The following BRPF3 variants were observed in gnomAD, a reference collection of about 807,000 sequenced individuals.
BRPF3 encodes the protein bromodomain and PHD finger containing 3.
Under a neutral mutation model 102.0 loss-of-function variants are expected in BRPF3, and 18 were observed. The observed-to-expected ratio is 0.18, with a 90% CI of 0.12 to 0.26. The LOEUF is 0.26. Ranked by LOEUF, BRPF3 falls within the 10% of genes least tolerant of loss-of-function variation. BRPF3 has a pLI of 1.00. For missense variants in BRPF3, 1,147 were observed against 1,567.8 expected, an observed-to-expected ratio of 0.73 and a Z score of 4.53; for synonymous variants, 570 against 614.2, an observed-to-expected ratio of 0.93 and a Z score of 1.06.
intron 10 of BRPF3, among the ~76,000 whole-genome samples, chr6:36,223,996 A>G (rs1157334541): frequency 6.6e-6 from 1 of 152,144 alleles, no homozygotes; most frequent in African/African-American, 2.4e-5. Flanking sequence ...ATTGGATTTT[A>G]TCTTTTTATT....
rs778878085 is a variant in BRPF3, at chr6:36,204,638, T to TC, written c.1449-18dup. The TC allele has an allele frequency of 7.4e-6, 12 of 1,614,080 alleles. No homozygotes were observed. The highest frequency in any genetic ancestry group is 2.2e-5 in the East Asian group (1 of 44,894). Reference sequence around the variant, plus strand: ...CTGCCCACTGACCTTGTCTTTCACTTCCGTGTGCCTCTACTCAAGGTTGAA... The same window carrying TC: ...CTGCCCACTGACCTTGTCTTTCACTTCCCGTGTGCCTCTACTCAAGGTTGAA... On this transcript the variant is annotated intron_variant, in intron 2 of 12. Coordinates refer to ENST00000357641, the MANE Select transcript of BRPF3 (RefSeq NM_015695.3).
chr6:36,226,610 C>T (rs999895729), intron 11 of BRPF3, among the ~76,000 whole-genome samples: 1 of 152,162 alleles, frequency 6.6e-6, no homozygotes, highest in Non-Finnish European at 1.5e-5. Context: ...CAGCCTCTTA[C>T]ATGTATACAG....
At position 36,211,488 on chromosome 6, in the gene BRPF3, G is replaced by C. The variant is rs977892223; in HGVS notation, c.2410G>C (p.Ala804Pro). The change falls in exon 7 of 13, where the codon GCA becomes CCA. Residue 804 changes from alanine (A) to proline (P), a missense_variant. Physicochemically the swap from Ala to Pro is conservative, Grantham distance 27 (BLOSUM62 -1). Around this residue, in one of 11 missense-constraint regions of BRPF3, gnomAD observed 379 missense variants for 426.3 expected, o/e 0.89. Coordinates refer to ENST00000357641, the MANE Select transcript of BRPF3 (RefSeq NM_015695.3). ...GACAGTATCCAATGGGGAGCTGCCA[G>C]CAGGGCCCCAGGGGGATGCAGCTGT... ...NKTVSNGELP[A>P]GPQGDAAVLE... 3 of 1,580,960 alleles carry C rather than the reference G, an allele frequency of 1.9e-6. No homozygotes were observed. The Admixed American group carries it at 5.5e-5, about 29-fold the overall frequency.
Position 36,213,903 on chromosome 6 carries a change from C to T in BRPF3, c.2506C>T (p.Pro836Ser). ...AGATGACTCCAAACTGCCTCCTCCG[C>T]CAACCCTGGAGCCCACTGGGCCTGC... is the stretch of plus-strand genomic sequence containing the variant. ...DRDDSKLPPP[P>S]TLEPTGPAPS... is the part of the protein sequence containing the mutation. Residue 836 changes from proline (P) to serine (S), a missense_variant, in exon 8 of 13, where the codon CCA (proline) becomes TCA (serine). Pro to Ser is a moderately conservative substitution (Grantham distance 74). Transcript: ENST00000357641. 6.2e-7 allele frequency: 1 copy of T among 1,605,456 alleles called. No homozygotes were observed. Among genetic ancestry groups the T allele is most frequent in the East Asian group, 2.2e-5 (1 of 44,734 alleles).
chr6:36,228,154 A>C (rs1416037633), intron 11 of BRPF3, among the ~76,000 whole-genome samples: 1 of 152,156 alleles, frequency 6.6e-6, no homozygotes, highest in Non-Finnish European at 1.5e-5. Context: ...GTCAGCTAAC[A>C]CCTGTTAGCA....
chr6:36,199,994 T>C (rs962765520), intron 1 of BRPF3, among the ~76,000 whole-genome samples: 1 of 152,158 alleles, frequency 6.6e-6, no homozygotes, highest in Non-Finnish European at 1.5e-5. Context: ...TTATGTAGCA[T>C]GGTATAAGAT....
intron 1 of BRPF3, among the ~76,000 whole-genome samples, chr6:36,199,888 G>A (rs556102030): frequency 5.3e-5 from 8 of 152,304 alleles, no homozygotes; most frequent in Admixed American, 2.0e-4. Flanking sequence ...CAGGAACTGG[G>A]GATGCAGCAG....
intron 3 of BRPF3, among the ~76,000 whole-genome samples, chr6:36,205,135 G>T (rs1767861820): frequency 6.6e-6 from 1 of 152,236 alleles, no homozygotes; most frequent in African/African-American, 2.4e-5. Context: ...TGGCCACATT[G>T]TGTTAATTAG....
intron 12 of BRPF3, among the ~76,000 whole-genome samples, chr6:36,229,387 C>T (rs887928960): frequency 5.9e-5 from 9 of 152,334 alleles, no homozygotes; most frequent in Admixed American, 5.2e-4. Flanking sequence ...CTGGGTGGCT[C>T]AACAAGATAA....
rs1581996556 is a variant in BRPF3 at position 36,229,012 on chromosome 6, A to G, written c.3390A>G (p.Gly1130=). 1 of 1,614,210 alleles carries G rather than the reference A, an allele frequency of 6.2e-7. No individual in the cohort carries two copies. Among genetic ancestry groups the G allele is most frequent in the Non-Finnish European group, 8.5e-7 (1 of 1,180,038 alleles). Residue 1130 remains glycine (G), a synonymous_variant, in exon 12 of 13, where the codon GGA becomes GGG. Coordinates refer to ENST00000357641, the MANE Select transcript of BRPF3 (RefSeq NM_015695.3). ...KLGEQKQAEA[G]EKLFLVLFFD... is the part of the protein sequence containing the mutation. ...GAGAGCAGAAACAGGCAGAGGCTGGAGAGAAGCTCTTCCTTGTCCTCTTCT... is the reference window on the plus strand; with the variant it reads ...GAGAGCAGAAACAGGCAGAGGCTGGGGAGAAGCTCTTCCTTGTCCTCTTCT...
At chr6:36,213,721 T>A in intron 7 of BRPF3, 159 bp from the exon 8 acceptor site, 1 of 736,918 alleles carries the variant, frequency 1.4e-6, no homozygotes, top group Non-Finnish European at 2.2e-6. Context: ...AAAAAAAACC[T>A]AATCCTCCTT....
intron 8 of BRPF3, among the ~76,000 whole-genome samples, chr6:36,215,385 C>T (rs958819693): frequency 4.6e-5 from 7 of 152,234 alleles, no homozygotes; most frequent in African/African-American, 1.7e-4. Context: ...GATGGGATTA[C>T]AGGCATGAGC....
At chr6:36,223,918 G>A (rs1768640465) in intron 10 of BRPF3, among the ~76,000 whole-genome samples, 1 of 152,162 alleles carries the variant, frequency 6.6e-6, no homozygotes, top group African/African-American at 2.4e-5. Flanking sequence ...CCATAAGGAT[G>A]GGTTTGGTCT....
In BRPF3 at chr6:36,217,966, ATG is replaced by A; in HGVS notation, c.3041_3042del (p.Cys1014Ter). Reference protein sequence around the residue: ...KHTESGSDSECSLGLSGGLAF... With the variant: ...KHTESGSDSEXSLGLSGGLAF... ...ACACCGAAAGCGGGTCTGACTCTGA[ATG>A]TAGTTTGGGTCTCAGTGGTGGACTG... On this transcript the variant is annotated frameshift_variant, in exon 9 of 13. Transcript: ENST00000357641. LOFTEE classifies it high-confidence loss of function. 1 of 1,613,718 alleles carries A rather than the reference ATG, an allele frequency of 6.2e-7. No homozygotes were observed. Among genetic ancestry groups the A allele is most frequent in the Non-Finnish European group, 8.5e-7 (1 of 1,179,842 alleles).
At chr6:36,225,436 C>A in intron 11 of BRPF3, 72 bp downstream of exon 11, 1 of 1,380,880 alleles carries the variant, frequency 7.2e-7, no homozygotes, top group Non-Finnish European at 1.0e-6. Flanking sequence ...TTGGATTAAG[C>A]CAGCAGAGTG....
intron 11 of BRPF3, 76 bp downstream of exon 11, chr6:36,225,440 C>G: frequency 2.2e-6 from 3 of 1,354,314 alleles, no homozygotes; most frequent in Non-Finnish European, 3.1e-6. Context: ...ATTAAGCCAG[C>G]AGAGTGTGGT....
intron 7 of BRPF3, among the ~76,000 whole-genome samples, chr6:36,212,484 C>T (rs1443539217): frequency 2.6e-5 from 4 of 151,394 alleles, no homozygotes; most frequent in Non-Finnish European, 5.9e-5. Flanking sequence ...CTGGACTCCC[C>T]GTATGACAGT....
At chr6:36,208,784 C>T (rs1472353429) in intron 4 of BRPF3, among the ~76,000 whole-genome samples, 1 of 152,216 alleles carries the variant, frequency 6.6e-6, no homozygotes, top group Non-Finnish European at 1.5e-5. Flanking sequence ...TTGATATAGC[C>T]AAAAGGTGGA....
intron 10 of BRPF3, among the ~76,000 whole-genome samples, chr6:36,224,406 G>A (rs997996073): frequency 1.3e-5 from 2 of 152,140 alleles, no homozygotes; most frequent in Non-Finnish European, 2.9e-5. Flanking sequence ...GTGTTAGTGC[G>A]TTGAGTGCAG....
Sources: gnomAD v4.1 joint callset for allele counts (sites outside exome capture counted in the v4.1 genomes callset) on GRCh38, gnomAD v4.1.1 for gene constraint, gnomAD v4.1.1 regional missense constraint, MANE v1.5 for transcripts, NCBI Gene and HGNC (gene_info 2026-07-23, HGNC 2026-07-21) for gene names.